Variants in ANP32A observed in about 807,000 individuals in gnomAD.
ANP32A encodes the protein acidic nuclear phosphoprotein 32 family member A.
ANP32A carries 1 observed loss-of-function variant against 33.9 expected under a neutral mutation model. The observed-to-expected ratio is 0.03, with a 90% CI of 0.01 to 0.14. The LOEUF is 0.14. Ranked by LOEUF, ANP32A falls within the 10% of genes least tolerant of loss-of-function variation. The pLI is 1.00. For synonymous variants in ANP32A, 115 were observed against 120.5 expected (o/e 0.95, Z 0.30); for missense variants, 155 against 306.0 (o/e 0.51, Z 3.68).
intron 1 of ANP32A, among the ~76,000 whole-genome samples, chr15:68,807,846 G>A (rs1445163910): frequency 2.6e-5 from 4 of 152,094 alleles, no homozygotes; most frequent in East Asian, 3.9e-4. Flanking sequence ...CTGGGCCCCC[G>A]CCCTTTTACA....
At chr15:68,809,817 G>C (rs537004913) in intron 1 of ANP32A, among the ~76,000 whole-genome samples, 1 of 152,242 alleles carries the variant, frequency 6.6e-6, no homozygotes, top group African/African-American at 2.4e-5. Context: ...AGTACTTCTA[G>C]AATGCTTACC....
intron 3 of ANP32A, among the ~76,000 whole-genome samples, chr15:68,786,268 T>C (rs1446657891): frequency 6.8e-6 from 1 of 146,614 alleles, no homozygotes; most frequent in African/African-American, 2.5e-5. Context: ...TTTTTTTTTT[T>C]TTTTTTTTGG....
At chr15:68,787,273 T>C in intron 3 of ANP32A, 140 bp downstream of exon 3, 2 of 1,236,024 alleles carry the variant, frequency 1.6e-6, no homozygotes, top group East Asian at 2.4e-5. Context: ...GCAGAAACAA[T>C]AGCTCAATTC....
intron 1 of ANP32A, among the ~76,000 whole-genome samples, chr15:68,794,553 G>C (rs1361600217): frequency 6.6e-6 from 1 of 152,178 alleles, no homozygotes; most frequent in South Asian, 2.1e-4. Context: ...GGTGCTCGTG[G>C]GTTTTAAATA....
At chr15:68,795,792 C>T (rs1007021652) in intron 1 of ANP32A, among the ~76,000 whole-genome samples, 2 of 152,182 alleles carry the variant, frequency 1.3e-5, no homozygotes, top group African/African-American at 4.8e-5. Flanking sequence ...CCCCTTAAAC[C>T]TCCTTCCTAC....
chr15:68,808,762 G>A (rs1894272940), intron 1 of ANP32A, among the ~76,000 whole-genome samples: 1 of 152,100 alleles, frequency 6.6e-6, no homozygotes, highest in Admixed American at 6.6e-5. Context: ...ATCACCCCCT[G>A]CACACGCACA....
At chr15:68,794,663 C>T (rs1157717402) in intron 1 of ANP32A, among the ~76,000 whole-genome samples, 1 of 152,178 alleles carries the variant, frequency 6.6e-6, no homozygotes, top group African/African-American at 2.4e-5. Flanking sequence ...GTGATAGATG[C>T]TTGTGATTTT....
chr15:68,780,216 G>C lies in ANP32A; in HGVS notation c.689-74C>G. The C allele has an allele frequency of 4.4e-6, 7 of 1,593,252 alleles. No homozygotes were observed. Among genetic ancestry groups the C allele is most frequent in the Non-Finnish European group, 6.0e-6 (7 of 1,166,834 alleles). ...TTTAACTCAACCCACCCAGTGAGAAGTCAGGGGACCCATGACTAGCAAGCT... is the reference window on the plus strand; with the variant it reads ...TTTAACTCAACCCACCCAGTGAGAACTCAGGGGACCCATGACTAGCAAGCT... On this transcript the variant is annotated intron_variant, in intron 6 of 6. Transcript: ENST00000465139. The surrounding 1 kb of genome is among the most constrained non-coding windows in gnomAD (Gnocchi z 4.3).
intron 1 of ANP32A, among the ~76,000 whole-genome samples, chr15:68,811,759 C>A (rs754638398): frequency 6.6e-6 from 1 of 151,992 alleles, no homozygotes; most frequent in Admixed American, 6.6e-5. Flanking sequence ...TTTTTGAGAC[C>A]GAGTTTCGCT....
intron 5 of ANP32A, among the ~76,000 whole-genome samples, chr15:68,781,861 C>T (rs925988306): frequency 2.6e-5 from 4 of 152,178 alleles, no homozygotes; most frequent in Non-Finnish European, 2.9e-5. Flanking sequence ...GCCTCGGCCT[C>T]CCAAAGTGCT....
intron 1 of ANP32A, among the ~76,000 whole-genome samples, chr15:68,805,802 C>G (rs561515194): frequency 1.6e-4 from 24 of 152,334 alleles, no homozygotes; most frequent in Non-Finnish European, 3.4e-4. Flanking sequence ...TTTAACGCAG[C>G]CTTATGGGTC....
chr15:68,794,073 G>A (rs556288373), intron 1 of ANP32A, among the ~76,000 whole-genome samples: 29 of 152,266 alleles, frequency 1.9e-4, no homozygotes, highest in East Asian at 1.7e-3. Context: ...CTGAGCTTCC[G>A]TTTCCTTTAG....
At chr15:68,814,083 A>G (rs1894348161) in intron 1 of ANP32A, among the ~76,000 whole-genome samples, 1 of 151,922 alleles carries the variant, frequency 6.6e-6, no homozygotes. Context: ...GTTAGCCAGG[A>G]TGGTCTTGAT....
chr15:68,802,819 A>ATTTTTTTTTTTTTTTT (rs1228755138), intron 1 of ANP32A, among the ~76,000 whole-genome samples: 9 of 151,774 alleles, frequency 5.9e-5, no homozygotes, highest in Non-Finnish European at 1.2e-4. Flanking sequence ...TGCCCGGCTA[A>ATTTTTTTTTTTTTTTT]TTTTTTATAT....
chr15:68,782,713 G>A, intron 5 of ANP32A: 1 of 609,696 alleles, frequency 1.6e-6, no homozygotes, highest in South Asian at 2.3e-5. Context: ...ACCCCAGCAG[G>A]TTCAGTCCCT....
chr15:68,801,053 C>T (rs1210746905), intron 1 of ANP32A, among the ~76,000 whole-genome samples: 3 of 151,988 alleles, frequency 2.0e-5, no homozygotes, highest in African/African-American at 4.8e-5. Context: ...CTGTAGGTTA[C>T]ACACCTTTAC....
intron 1 of ANP32A, among the ~76,000 whole-genome samples, chr15:68,796,077 TAC>T (rs1894060341): frequency 6.6e-6 from 1 of 152,136 alleles, no homozygotes; most frequent in Admixed American, 6.5e-5. Context: ...GTGAAAATCT[TAC>T]AGACTCAACT....
chr15:68,788,853 A>G (rs1440503070), intron 1 of ANP32A, among the ~76,000 whole-genome samples: 1 of 152,122 alleles, frequency 6.6e-6, no homozygotes, highest in East Asian at 1.9e-4. Flanking sequence ...CTTACCCACA[A>G]TTTGGGTCCT....
intron 1 of ANP32A, among the ~76,000 whole-genome samples, chr15:68,804,799 C>T (rs902514509): frequency 2.6e-5 from 4 of 152,338 alleles, no homozygotes; most frequent in East Asian, 1.9e-4. Context: ...AGGCGTGAGC[C>T]GCTGCACGCG....
Sources: gnomAD v4.1 joint callset for allele counts (sites outside exome capture counted in the v4.1 genomes callset) on GRCh38, gnomAD v4.1.1 for gene constraint, Gnocchi (gnomAD v3.1) non-coding constraint, MANE v1.5 for transcripts, NCBI Gene and HGNC (gene_info 2026-07-23, HGNC 2026-07-21) for gene names.